Variants in CNTN4 observed in about 807,000 individuals in gnomAD.
CNTN4 encodes the protein contactin-4.
Under a neutral mutation model 122.5 loss-of-function variants are expected in CNTN4, and 77 were observed. The ratio of observed to expected loss-of-function variants is 0.63; its 90% confidence interval spans 0.52 to 0.76. CNTN4 has a LOEUF of 0.76. CNTN4 is among the 30% of genes least tolerant of loss of function. The probability of loss-of-function intolerance (pLI) is 0.00; values close to 1 mark genes in which losing one functional copy is unlikely to be tolerated. For synonymous variants in CNTN4, 512 were observed against 447.0 expected (o/e 1.15, Z -1.83); for missense variants, 1,256 against 1,259.1 (o/e 1.00, Z 0.04).
At chr3:2,604,497 T>G (rs892568491) in intron 4 of CNTN4, among the ~76,000 whole-genome samples, 1 of 152,182 alleles carries the variant, frequency 6.6e-6, no homozygotes, top group African/African-American at 2.4e-5. Flanking sequence ...CATATCTATG[T>G]AATATTTCAG....
At chr3:2,650,917 A>G (rs761290526) in intron 4 of CNTN4, among the ~76,000 whole-genome samples, 5 of 152,188 alleles carry the variant, frequency 3.3e-5, no homozygotes, top group Non-Finnish European at 7.4e-5. Flanking sequence ...TGAGCTTAAG[A>G]TATATCTGTA....
At chr3:3,007,196 A>G (rs1696742753) in intron 14 of CNTN4, among the ~76,000 whole-genome samples, 1 of 152,190 alleles carries the variant, frequency 6.6e-6, no homozygotes, top group Non-Finnish European at 1.5e-5. Flanking sequence ...AGCAGACAAA[A>G]CTGTTCAAAT....
intron 6 of CNTN4, among the ~76,000 whole-genome samples, chr3:2,777,802 C>A (rs944979928): frequency 6.6e-6 from 1 of 152,188 alleles, no homozygotes; most frequent in Non-Finnish European, 1.5e-5. Flanking sequence ...TAATTGTATC[C>A]TTTTCTCTGT....
chr3:2,952,660 G>A (rs961782582), intron 13 of CNTN4, among the ~76,000 whole-genome samples: 46 of 151,972 alleles, frequency 3.0e-4, no homozygotes, highest in African/African-American at 8.5e-4. Context: ...TTTTTATGGC[G>A]CAATCATATG....
chr3:2,803,718 C>A (rs2092399935), intron 6 of CNTN4, among the ~76,000 whole-genome samples: 1 of 151,968 alleles, frequency 6.6e-6, no homozygotes, highest in Non-Finnish European at 1.5e-5. Context: ...TGCCACCACG[C>A]CTGGCTAATT....
At chr3:2,184,810 G>A (rs2037173566) in intron 2 of CNTN4, among the ~76,000 whole-genome samples, 1 of 152,090 alleles carries the variant, frequency 6.6e-6, no homozygotes, top group African/African-American at 2.4e-5. Context: ...GGACTTCCCA[G>A]CCTCCAGAAG....
At chr3:2,929,441 G>A (rs1336558567) in intron 13 of CNTN4, among the ~76,000 whole-genome samples, 1 of 152,150 alleles carries the variant, frequency 6.6e-6, no homozygotes, top group African/African-American at 2.4e-5. Flanking sequence ...GGATTATAAG[G>A]AGCTATACAA....
chr3:3,004,273 T>G (rs1291158730), intron 14 of CNTN4, among the ~76,000 whole-genome samples: 1 of 152,126 alleles, frequency 6.6e-6, no homozygotes, highest in East Asian at 1.9e-4. Context: ...TCACCAGCTT[T>G]TCTCCTCTCA....
At chr3:2,668,283 A>C (rs1240957825) in intron 4 of CNTN4, among the ~76,000 whole-genome samples, 1 of 151,954 alleles carries the variant, frequency 6.6e-6, no homozygotes, top group Non-Finnish European at 1.5e-5. Flanking sequence ...AGTGGTTTGT[A>C]GTTCTCCTGG....
intron 2 of CNTN4, among the ~76,000 whole-genome samples, chr3:2,191,394 A>G (rs1294887840): frequency 6.6e-6 from 1 of 152,038 alleles, no homozygotes; most frequent in Admixed American, 6.6e-5. Flanking sequence ...TAAGTGATAC[A>G]AGCTGGAGAA....
chr3:2,152,841 C>T (rs2035555498), intron 2 of CNTN4, among the ~76,000 whole-genome samples: 2 of 152,088 alleles, frequency 1.3e-5, no homozygotes, highest in Non-Finnish European at 2.9e-5. Flanking sequence ...GGCTCAGCCT[C>T]TTGTGATGCA....
chr3:3,054,743 A>G (rs1313035346), intron 24 of CNTN4, among the ~76,000 whole-genome samples: 1 of 152,226 alleles, frequency 6.6e-6, no homozygotes, highest in African/African-American at 2.4e-5. Context: ...GGGGTGACAC[A>G]AAAGTTATGG....
In CNTN4 at chr3:2,112,767, A is replaced by C. The variant is rs1367789402; in HGVS notation, c.-145+12128A>C. Reference sequence around the variant, plus strand: ...AATTTACTGTTTTCCATTGTGTTTTACATTTTTTTCTTCTGGTAAGTTACT... The same window carrying C: ...AATTTACTGTTTTCCATTGTGTTTTCCATTTTTTTCTTCTGGTAAGTTACT... On this transcript the variant is annotated intron_variant, in intron 2 of 24. Coordinates refer to ENST00000418658, the MANE Select transcript of CNTN4 (RefSeq NM_175607.3). Among the ~76,000 whole-genome samples, 4 of 152,118 alleles carry C rather than the reference A, an allele frequency of 2.6e-5. No individual in the cohort carries two copies. The East Asian group carries it at 5.8e-4, about 22-fold the overall frequency.
intron 3 of CNTN4, among the ~76,000 whole-genome samples, chr3:2,467,357 C>A (rs1361735761): frequency 6.6e-6 from 1 of 152,066 alleles, no homozygotes; most frequent in African/African-American, 2.4e-5. Context: ...ATTATATTTG[C>A]CCTTGGACAG....
chr3:2,568,070 C>T (rs370348742), intron 3 of CNTN4, among the ~76,000 whole-genome samples: 2 of 152,030 alleles, frequency 1.3e-5, no homozygotes, highest in African/African-American at 2.4e-5. Flanking sequence ...ATGGTAAACA[C>T]GATTACTTTT....
chr3:3,020,982 C>T (rs1163252058), intron 14 of CNTN4, among the ~76,000 whole-genome samples: 2 of 152,188 alleles, frequency 1.3e-5, no homozygotes, highest in East Asian at 1.9e-4. Context: ...TAAATTGGAA[C>T]ATCATGTGTT....
chr3:2,163,061 C>G (rs899373035), intron 2 of CNTN4, among the ~76,000 whole-genome samples: 1 of 152,170 alleles, frequency 6.6e-6, no homozygotes, highest in African/African-American at 2.4e-5. Flanking sequence ...CATGCCACTG[C>G]ACCCCAGCCT....
At chr3:2,580,037 ATGTG>A (rs5846194) in intron 4 of CNTN4, among the ~76,000 whole-genome samples, 50 of 149,560 alleles carry the variant, frequency 3.3e-4, no homozygotes, top group East Asian at 3.1e-3. Flanking sequence ...TTAAGCTTGT[ATGTG>A]TGTGTGTGTG....
At chr3:2,452,979 GATTTTA>G (rs2048882996) in intron 3 of CNTN4, among the ~76,000 whole-genome samples, 1 of 151,968 alleles carries the variant, frequency 6.6e-6, no homozygotes, top group Non-Finnish European at 1.5e-5. Context: ...ACTTTACAAT[GATTTTA>G]ATTTTGTTTC....
Sources: allele counts gnomAD v4.1 joint callset (sites outside exome capture counted in the v4.1 genomes callset), GRCh38; gene constraint gnomAD v4.1.1; transcripts MANE v1.5; gene names NCBI Gene and HGNC (gene_info 2026-07-23, HGNC 2026-07-21).